The following ATP2A3 variants were observed in gnomAD, a reference collection of about 807,000 sequenced individuals.
ATP2A3 encodes sarcoplasmic/endoplasmic reticulum calcium ATPase 3.
In ATP2A3, 61 loss-of-function variants were observed where a neutral mutation model predicts 106.8. The observed-to-expected ratio is 0.57, with a 90% CI of 0.46 to 0.71. The LOEUF is 0.71. Ranked by LOEUF, ATP2A3 falls within the 30% of genes least tolerant of loss-of-function variation. The pLI, the probability that ATP2A3 is intolerant of heterozygous loss-of-function variation, is 0.00. For synonymous variants in ATP2A3, 611 were observed against 609.3 expected (o/e 1.00, Z -0.04); for missense variants, 1,201 against 1,423.5 (o/e 0.84, Z 2.52).
At chr17:3,961,679 C>T (rs2055145578) in intron 1 of ATP2A3, among the ~76,000 whole-genome samples, 1 of 152,220 alleles carries the variant, frequency 6.6e-6, no homozygotes, top group South Asian at 2.1e-4. Flanking sequence ...TCTGGGGTGT[C>T]CCTTCTGCCC....
chr17:3,941,602 C>T lies in ATP2A3; in HGVS notation c.1598G>A (p.Arg533His), dbSNP rs369511446. 6.8e-6 allele frequency: 11 copies of T among 1,611,792 alleles called. No homozygotes were observed. The highest frequency in any genetic ancestry group is 2.2e-5 in the South Asian group (2 of 91,074). Residue 533 changes from arginine to histidine, a missense_variant, in exon 13 of 21, where the codon CGC becomes CAC. Arg to His is a conservative substitution (Grantham distance 29). Transcript: ENST00000397041. ...GGAGGTGGGGGTCAGGGGTGCTGTGCGGCTCCCCACGCGGACTGAGCTACA... is the reference window on the plus strand; with the variant it reads ...GGAGGTGGGGGTCAGGGGTGCTGTGTGGCTCCCCACGCGGACTGAGCTACA... ...ERCSSVRVGS[R>H]TAPLTPTSRE...
In ATP2A3 at chr17:3,951,570, G is replaced by T. The variant is rs547037835; in HGVS notation, c.324+11C>A. 1 of 359,236 alleles carries T rather than the reference G, an allele frequency of 2.8e-6. No homozygotes were observed. Among genetic ancestry groups the T allele is most frequent in the Non-Finnish European group, 5.1e-6 (1 of 197,778 alleles). 22.3% of individuals were successfully genotyped at this position (359,236 alleles called of 1,614,324 possible). A position where few individuals can be genotyped will look rare whatever the true frequency, so the allele number is the denominator to read the frequency against. ...CGCCCCCCGCCCGGTCCCACCCCCA[G>T]TGCCTCCCACCTGCCACACGCCCAC... On this transcript the variant is annotated intron_variant, in intron 4 of 20. Transcript: ENST00000397041.
Position 3,928,830 on chromosome 17 carries a change from C to A in ATP2A3, c.2863-50G>T. 7.0e-7 allele frequency: 1 copy of A among 1,433,516 alleles called. No homozygotes were observed. Among genetic ancestry groups the A allele is most frequent in the South Asian group, 1.2e-5 (1 of 81,138 alleles). The allele number at this position is 1,433,516 out of a possible 1,614,324, so 88.8% of individuals were successfully genotyped here. On this transcript the variant is annotated intron_variant, in intron 19 of 20. Transcript: ENST00000397041. This position sits in a 1 kb window ranked among gnomAD's most constrained non-coding sequence, Gnocchi z 6.1. ...TGGTTAAAGGAAGGACTGGCTGTCC[C>A]GTGCCCCAGCCATCTGCTGGCCTTA...
intron 5 of ATP2A3, among the ~76,000 whole-genome samples, chr17:3,951,020 G>A (rs1431677488): frequency 6.6e-6 from 1 of 151,980 alleles, no homozygotes; most frequent in Non-Finnish European, 1.5e-5. Context: ...GCACAGAGAG[G>A]GATGGGGCTC....
At chr17:3,938,628 C>A (rs541317010) in intron 14 of ATP2A3, among the ~76,000 whole-genome samples, 1 of 151,732 alleles carries the variant, frequency 6.6e-6, no homozygotes, top group African/African-American at 2.4e-5. Context: ...TCACTGCAAC[C>A]TCCTCCTCCC....
chr17:3,946,595 T>C (rs2054132263), intron 8 of ATP2A3, among the ~76,000 whole-genome samples: 3 of 152,028 alleles, frequency 2.0e-5, no homozygotes, highest in South Asian at 2.1e-4. Flanking sequence ...AAACACTCTG[T>C]TTAAATAAAA....
chr17:3,941,117 C>G lies in ATP2A3; in HGVS notation c.1954G>C (p.Ala652Pro), dbSNP rs1426376517. The G allele has an allele frequency of 1.9e-6, 3 of 1,613,936 alleles. No homozygotes were observed. Among genetic ancestry groups the G allele is most frequent in the Non-Finnish European group, 2.5e-6 (3 of 1,179,990 alleles). The change falls in exon 14 of 21, where the codon GCC (alanine) becomes CCC (proline). Residue 652 changes from alanine (A) to proline (P), a missense_variant. Transcript: ENST00000397041. ...FGDTEDVAGK[A>P]YTGREFDDLS... ...TCATCAAACTCGCGGCCCGTGTAGG[C>G]CTTGCCCGCCACGTCTTCCGTGTCC...
rs144535413 is a variant in ATP2A3 at position 3,941,050 on chromosome 17, C to T, written c.2021G>A (p.Arg674His). The T allele has an allele frequency of 4.8e-3, 7,825 of 1,613,650 alleles. 36 individuals are homozygous for T. Among genetic ancestry groups the T allele is most frequent in the Non-Finnish European group, 5.2e-3 (6,135 of 1,179,700 alleles). ...EQQRQACRTA[R>H]CFARVEPAHK... ...TGCGGGCTCCACGCGGGCGAAGCAGCGGGCGGTGCGGCAGGCCTGGCGCTG... is the reference window on the plus strand; with the variant it reads ...TGCGGGCTCCACGCGGGCGAAGCAGTGGGCGGTGCGGCAGGCCTGGCGCTG... Residue 674 changes from arginine to histidine, a missense_variant, in exon 14 of 21, where the codon CGC (arginine) becomes CAC (histidine). Physicochemically the swap from Arg to His is conservative, Grantham distance 29. Around this residue, in one of 2 missense-constraint regions of ATP2A3, gnomAD observed 935 missense variants for 1,176.7 expected, o/e 0.79. Coordinates refer to ENST00000397041, the MANE Select transcript of ATP2A3 (RefSeq NM_005173.4).
intron 1 of ATP2A3, among the ~76,000 whole-genome samples, chr17:3,958,775 C>CACATATATAT (rs1443357554): frequency 0.23 from 29,804 of 128,334 alleles, 5,998 homozygotes; most frequent in Middle Eastern, 0.35. Context: ...CATATATATA[C>CACATATATAT]ACACACATAT....
rs868272166 is a variant in ATP2A3 at position 3,937,466 on chromosome 17, C to G, written c.2271G>C (p.Met757Ile). ...AGATGAGGTAGCGGATGAATTGCTT[C>G]ATGTTGCTGTAGATGGCCCGGCCCT... ...VEEGRAIYSN[M>I]KQFIRYLISS... The change falls in exon 15 of 21, where the codon ATG (methionine) becomes ATC (isoleucine). Residue 757 changes from methionine to isoleucine, a missense_variant. Physicochemically the swap from Met to Ile is conservative, Grantham distance 10. Coordinates refer to ENST00000397041, the MANE Select transcript of ATP2A3 (RefSeq NM_005173.4). 2 of 1,612,912 alleles carry G rather than the reference C, an allele frequency of 1.2e-6. No homozygotes were observed. The highest frequency in any genetic ancestry group is 1.7e-6 in the Non-Finnish European group (2 of 1,179,158).
Position 3,926,761 on chromosome 17 carries a change from G to C in ATP2A3, c.2981-1320C>G. On this transcript the variant is annotated intron_variant, in intron 20 of 20. Coordinates refer to ENST00000397041, the MANE Select transcript of ATP2A3 (RefSeq NM_005173.4). This position sits in a 1 kb window ranked among gnomAD's most constrained non-coding sequence, Gnocchi z 4.6. Reference sequence around the variant, plus strand: ...ATTTTTGTATCTTTAGTAGAGATGGGGTTTCACCATGTTGGCCAGGCTGGT... The same window carrying C: ...ATTTTTGTATCTTTAGTAGAGATGGCGTTTCACCATGTTGGCCAGGCTGGT... 2 of 668,780 alleles carry C rather than the reference G, an allele frequency of 3.0e-6. No homozygotes were observed. The highest frequency in any genetic ancestry group is 3.7e-6 in the Non-Finnish European group (2 of 540,696). 41.4% of individuals were successfully genotyped at this position (668,780 alleles called of 1,614,324 possible).
Position 3,930,304 on chromosome 17 carries a change from T to C in ATP2A3, c.2741A>G (p.Asn914Ser). The C allele has an allele frequency of 6.3e-7, 1 of 1,589,982 alleles. No homozygotes were observed. Among genetic ancestry groups the C allele is most frequent in the African/African-American group, 1.3e-5 (1 of 74,610 alleles). ...CCAGGCCCTGCGCCCAGCCTACCTG[T>C]TGAGGGCATTGCACATTTCAATGGT... ...LVTIEMCNAL[N>S]SVSENQSLLR... Residue 914 changes from asparagine to serine, a missense_variant, in exon 18 of 21, where the codon AAC becomes AGC. Physicochemically the swap from Asn to Ser is conservative, Grantham distance 46. Around this residue, in one of 2 missense-constraint regions of ATP2A3, gnomAD observed 935 missense variants for 1,176.7 expected, o/e 0.79. Coordinates refer to ENST00000397041, the MANE Select transcript of ATP2A3 (RefSeq NM_005173.4). This position sits in a 1 kb window ranked among gnomAD's most constrained non-coding sequence, Gnocchi z 5.4.
chr17:3,963,031 A>AT (rs1226752017), intron 1 of ATP2A3, among the ~76,000 whole-genome samples: 1 of 152,212 alleles, frequency 6.6e-6, no homozygotes, highest in Admixed American at 6.5e-5. Flanking sequence ...ATAGCAACTA[A>AT]TTTTTTTGAA....
In ATP2A3 at chr17:3,943,784, C is replaced by T. The variant is rs575613189; in HGVS notation, c.1288-262G>A. On this transcript the variant is annotated intron_variant, in intron 10 of 20. Transcript: ENST00000397041. The stretch of plus-strand genomic sequence containing the variant: ...GCATCTCTGTCCACTTCCTGTCAGC[C>T]TCCTTCACCGGTTTCTGCTGTCTGG... Among the ~76,000 whole-genome samples, 3 of 152,334 alleles carry T rather than the reference C, an allele frequency of 2.0e-5. 1 individual carries two copies. Among genetic ancestry groups the T allele is most frequent in the Admixed American group, 2.0e-4 (3 of 15,302 alleles).
At chr17:3,935,053 C>T in intron 17 of ATP2A3, 139 bp downstream of exon 17, 1 of 939,408 alleles carries the variant, frequency 1.1e-6, no homozygotes, top group Admixed American at 2.0e-5. Context: ...CTCGGCTCCC[C>T]AGGTGGGGAT....
intron 14 of ATP2A3, among the ~76,000 whole-genome samples, chr17:3,939,371 A>G (rs1330725251): frequency 6.6e-6 from 1 of 152,100 alleles, no homozygotes; most frequent in African/African-American, 2.4e-5. Context: ...GTCAGGGGAG[A>G]GGCTGAGGTC....
At chr17:3,931,686 T>C (rs2053104969) in intron 17 of ATP2A3, among the ~76,000 whole-genome samples, 1 of 151,846 alleles carries the variant, frequency 6.6e-6, no homozygotes, top group Non-Finnish European at 1.5e-5. Flanking sequence ...CACGCCCGGC[T>C]AATTTTTTGT....
intron 3 of ATP2A3, 134 bp from the exon 4 acceptor site, chr17:3,951,819 G>A (rs1333120494): frequency 1.1e-6 from 1 of 922,570 alleles, no homozygotes; most frequent in East Asian, 2.7e-5. Context: ...GGCTTGGAGA[G>A]GGCCACTCCT....
intron 11 of ATP2A3, 99 bp from the exon 12 acceptor site, chr17:3,942,830 T>C: frequency 2.6e-6 from 4 of 1,565,134 alleles, no homozygotes; most frequent in South Asian, 2.2e-5. Context: ...TCTTGCTCTG[T>C]GTGGGATGAC....
Sources: allele counts gnomAD v4.1 joint callset (sites outside exome capture counted in the v4.1 genomes callset), GRCh38; gene constraint gnomAD v4.1.1; regional missense constraint gnomAD v4.1.1; non-coding constraint Gnocchi (gnomAD v3.1); transcripts MANE v1.5; gene names NCBI Gene and HGNC (gene_info 2026-07-23, HGNC 2026-07-21).